Variants in CNTN1 observed in about 807,000 individuals in gnomAD.
The protein encoded by CNTN1 is contactin-1.
CNTN1 carries 38 observed loss-of-function variants against 126.4 expected under a neutral mutation model. The ratio of observed to expected loss-of-function variants is 0.30; its 90% CI spans 0.23 to 0.39. The LOEUF is 0.39. Among genes scored for constraint, CNTN1 ranks in the 10% least tolerant of loss-of-function variants. CNTN1 has a pLI of 1.00. For missense variants in CNTN1, 1,009 were observed against 1,248.4 expected (o/e 0.81, Z 2.89); for synonymous variants, 413 against 422.6 (o/e 0.98, Z 0.28).
chr12:41,059,726 A>T (rs1949898982), intron 23 of CNTN1, among the ~76,000 whole-genome samples: 5 of 152,202 alleles, frequency 3.3e-5, no homozygotes, highest in African/African-American at 9.6e-5. Context: ...TAAAAGAATT[A>T]AAAAATCCAT....
intron 1 of CNTN1, among the ~76,000 whole-genome samples, chr12:40,738,568 T>A (rs1376917214): frequency 1.3e-5 from 2 of 151,952 alleles, no homozygotes; most frequent in African/African-American, 4.8e-5. Flanking sequence ...CTAGCGAAAG[T>A]AATATACAAG....
chr12:40,919,700 C>A (rs1945369020), intron 4 of CNTN1, among the ~76,000 whole-genome samples: 1 of 152,088 alleles, frequency 6.6e-6, no homozygotes, highest in African/African-American at 2.4e-5. Context: ...TTTTTTCCTG[C>A]CTTTGGCTAT....
At chr12:40,825,550 C>G (rs771558838) in intron 1 of CNTN1, among the ~76,000 whole-genome samples, 54 of 152,114 alleles carry the variant, frequency 3.5e-4, no homozygotes, top group Non-Finnish European at 6.3e-4. Context: ...TCTAAAGTGG[C>G]CATCTCTGTT....
At chr12:40,745,366 GACATCAGTCAAT>G (rs1938139167) in intron 1 of CNTN1, among the ~76,000 whole-genome samples, 1 of 152,114 alleles carries the variant, frequency 6.6e-6, no homozygotes, top group Non-Finnish European at 1.5e-5. Flanking sequence ...GGGGCCATGA[GACATCAGTCAAT>G]ACATGTAAGA....
intron 17 of CNTN1, among the ~76,000 whole-genome samples, chr12:41,005,346 C>A (rs996135609): frequency 3.3e-5 from 5 of 152,106 alleles, no homozygotes; most frequent in African/African-American, 1.2e-4. Flanking sequence ...ACCTTTCTCT[C>A]TAGCTGTCTT....
At position 40,842,321 on chromosome 12, in the gene CNTN1, G is replaced by A. The variant is rs867400065; in HGVS notation, c.-76-66036G>A. Among the ~76,000 whole-genome samples the A allele has an allele frequency of 4.6e-5, 7 of 152,002 alleles. No individual in the cohort carries two copies. In the South Asian group the frequency reaches 1.2e-3, roughly 27 times the overall value. On this transcript the variant is annotated intron_variant, in intron 1 of 23. Transcript: ENST00000551295. ...ATAGCAGGTAGAAGGAATAAGTTCA[G>A]TGTTCAATAATAAAATAGGAAATTG...
intron 1 of CNTN1, among the ~76,000 whole-genome samples, chr12:40,792,411 T>C (rs1940251439): frequency 6.6e-6 from 1 of 152,126 alleles, no homozygotes. Context: ...CATTTCTTTT[T>C]TACTTTTAAA....
Position 41,025,289 on chromosome 12 carries a change from G to T in CNTN1, c.2663G>T (p.Gly888Val). The change falls in exon 21 of 24, where the codon GGG becomes GTG. Residue 888 changes from glycine (G) to valine (V), a missense_variant. Coordinates refer to ENST00000551295, the MANE Select transcript of CNTN1 (RefSeq NM_001843.4). ...GAAGTCGGGGCCTGCAATAGTGCAGGGTGTGGACCTCCAAGTGACATGATT... is the reference window on the plus strand; with the variant it reads ...GAAGTCGGGGCCTGCAATAGTGCAGTGTGTGGACCTCCAAGTGACATGATT... Reference protein sequence around the residue: ...FIEVGACNSAGCGPPSDMIEA... With the variant: ...FIEVGACNSAVCGPPSDMIEA... The T allele has an allele frequency of 1.2e-6, 2 of 1,613,590 alleles. No homozygotes were observed. Among genetic ancestry groups the T allele is most frequent in the Non-Finnish European group, 1.7e-6 (2 of 1,179,592 alleles).
intron 1 of CNTN1, among the ~76,000 whole-genome samples, chr12:40,705,261 A>ACCCC (rs1941708697): frequency 6.6e-6 from 1 of 152,202 alleles, no homozygotes; most frequent in Non-Finnish European, 1.5e-5. Flanking sequence ...ATTTTGTTTC[A>ACCCC]TCCAGAGAAT....
chr12:40,821,747 T>C (rs1326406083), intron 1 of CNTN1, among the ~76,000 whole-genome samples: 2 of 152,220 alleles, frequency 1.3e-5, no homozygotes, highest in Non-Finnish European at 1.5e-5. Flanking sequence ...AATTTTTTTC[T>C]TTAATTGAAT....
intron 1 of CNTN1, among the ~76,000 whole-genome samples, chr12:40,792,039 C>A (rs746267897): frequency 2.6e-5 from 4 of 151,870 alleles, no homozygotes; most frequent in Non-Finnish European, 4.4e-5. Flanking sequence ...ATCAATTTAA[C>A]CTGAAGAATT....
rs185634068 is a variant in CNTN1 at position 40,921,960 on chromosome 12, G to T, written c.228-296G>T. On this transcript the variant is annotated intron_variant, in intron 4 of 23. Transcript: ENST00000551295. ...TAGATGGCTATCAATTACATCCCAAGAAATCAATTTATGGAGAAAAACTCA... is the reference window on the plus strand; with the variant it reads ...TAGATGGCTATCAATTACATCCCAATAAATCAATTTATGGAGAAAAACTCA... Among the ~76,000 whole-genome samples, 89 of 152,176 alleles carry T rather than the reference G, an allele frequency of 5.8e-4. 1 individual carries two copies. Among genetic ancestry groups the T allele is most frequent in the African/African-American group, 2.0e-3 (85 of 41,514 alleles).
intron 15 of CNTN1, among the ~76,000 whole-genome samples, chr12:40,974,979 C>T (rs2137054400): frequency 6.6e-6 from 1 of 151,796 alleles, no homozygotes; most frequent in East Asian, 1.9e-4. Flanking sequence ...TGTTGTCATC[C>T]AGGTAATTAC....
chr12:40,876,408 T>C (rs931789625), intron 1 of CNTN1, among the ~76,000 whole-genome samples: 8 of 152,094 alleles, frequency 5.3e-5, no homozygotes, highest in South Asian at 2.1e-4. Flanking sequence ...AAAGTGAATA[T>C]AGTGTTCCAT....
chr12:41,065,313 C>T (rs1950025693), intron 23 of CNTN1, among the ~76,000 whole-genome samples: 1 of 152,202 alleles, frequency 6.6e-6, no homozygotes, highest in Admixed American at 6.5e-5. Context: ...CCTGGGCCTC[C>T]CAAAGTGCTG....
intron 12 of CNTN1, among the ~76,000 whole-genome samples, chr12:40,942,939 T>C (rs1946307663): frequency 6.6e-6 from 1 of 152,082 alleles, no homozygotes; most frequent in African/African-American, 2.4e-5. Context: ...TCAAAGATAA[T>C]TTAGTTTTGA....
intron 1 of CNTN1, among the ~76,000 whole-genome samples, chr12:40,807,969 C>T (rs1485632807): frequency 2.0e-5 from 3 of 152,134 alleles, no homozygotes; most frequent in African/African-American, 7.2e-5. Context: ...AATTTAACCA[C>T]AATGATTTTC....
intron 23 of CNTN1, among the ~76,000 whole-genome samples, chr12:41,064,462 C>T (rs895547207): frequency 6.6e-6 from 1 of 152,164 alleles, no homozygotes; most frequent in Non-Finnish European, 1.5e-5. Flanking sequence ...AGGTCTAGAA[C>T]AAGAAATAAA....
At position 41,027,863 on chromosome 12, in the gene CNTN1, GCCAGCCT is replaced by G; in HGVS notation, c.2721_2727del (p.Pro908GlyfsTer6). 1 of 1,610,772 alleles carries G rather than the reference GCCAGCCT, an allele frequency of 6.2e-7. No homozygotes were observed. The highest frequency in any genetic ancestry group is 8.5e-7 in the Non-Finnish European group (1 of 1,177,070). ...ATATTACTACTTTTCACAGCTCCTAGCCAGCCTCCAAGGATCATCAGTTCAGTAAGGT... is the reference window on the plus strand; with the variant it reads ...ATATTACTACTTTTCACAGCTCCTAGCCAAGGATCATCAGTTCAGTAAGGT... On this transcript the variant is annotated frameshift_variant, in exon 22 of 24. Transcript: ENST00000551295. LOFTEE classifies it high-confidence loss of function.
Sources: gnomAD v4.1 joint callset for allele counts (sites outside exome capture counted in the v4.1 genomes callset) on GRCh38, gnomAD v4.1.1 for gene constraint, MANE v1.5 for transcripts, NCBI Gene and HGNC (gene_info 2026-07-23, HGNC 2026-07-21) for gene names.